Variants in ARHGAP29 observed in about 807,000 individuals in gnomAD.
ARHGAP29 encodes rho GTPase-activating protein 29.
A neutral mutation model predicts 122.6 loss-of-function variants in ARHGAP29; 43 were observed. The observed-to-expected ratio is 0.35, with a 90% CI of 0.27 to 0.45. The LOEUF is 0.45. ARHGAP29 is among the 20% of genes least tolerant of loss of function. ARHGAP29 has a pLI of 1.00. For missense variants in ARHGAP29, 1,303 were observed against 1,477.2 expected, an observed-to-expected ratio of 0.88 and a Z score of 1.93; for synonymous variants, 506 against 497.1, an observed-to-expected ratio of 1.02 and a Z score of -0.24.
At chr1:94,210,825 G>A (rs1382152278) in intron 3 of ARHGAP29, among the ~76,000 whole-genome samples, 1 of 151,048 alleles carries the variant, frequency 6.6e-6, no homozygotes, top group East Asian at 1.9e-4. Context: ...ATCACTTGTG[G>A]CCAAGAGTTC....
chr1:94,289,855 G>A, the ARHGAP29 span, among the ~76,000 whole-genome samples: 3 of 152,170 alleles, frequency 2.0e-5, no homozygotes, highest in East Asian at 1.9e-4. Context: ...CTTGATTGTG[G>A]TGGATAAGCT....
At chr1:94,183,345 CT>C (rs925346118) in intron 19 of ARHGAP29, among the ~76,000 whole-genome samples, 18 of 152,192 alleles carry the variant, frequency 1.2e-4, no homozygotes, top group Non-Finnish European at 1.2e-4. Flanking sequence ...TGGCTCAGGT[CT>C]TTTTTTGTAC....
chr1:94,241,732 A>G (rs1453503263), upstream of ARHGAP29, among the ~76,000 whole-genome samples: 1 of 130,338 alleles, frequency 7.7e-6, no homozygotes, highest in Non-Finnish European at 1.6e-5. Flanking sequence ...TATAATATAT[A>G]TTTATATATA....
intron 16 of ARHGAP29, 58 bp downstream of exon 16, chr1:94,186,438 TATC>T: frequency 8.7e-7 from 1 of 1,155,392 alleles, no homozygotes; most frequent in South Asian, 1.4e-5. Flanking sequence ...ATTTATCTAA[TATC>T]ATGCAGTGCT....
intron 3 of ARHGAP29, among the ~76,000 whole-genome samples, chr1:94,210,996 A>G (rs943458095): frequency 4.6e-5 from 7 of 151,872 alleles, no homozygotes; most frequent in African/African-American, 1.7e-4. Flanking sequence ...CATCAAAAGG[A>G]CATAACAGCC....
chr1:94,205,764 T>TA, intron 5 of ARHGAP29, 81 bp from the exon 6 acceptor site: 1 of 1,190,958 alleles, frequency 8.4e-7, no homozygotes. Context: ...CCCAATTTGT[T>TA]ACTCTGACAT....
intron 12 of ARHGAP29, chr1:94,194,503 T>C (rs1360265512): frequency 2.0e-5 from 3 of 152,234 alleles, no homozygotes; most frequent in Non-Finnish European, 2.9e-5. Flanking sequence ...GTTGTAGAGA[T>C]TGAGAGATCA....
intron 1 of ARHGAP29, among the ~76,000 whole-genome samples, chr1:94,233,349 C>A (rs976187187): frequency 2.6e-5 from 4 of 152,052 alleles, no homozygotes; most frequent in Non-Finnish European, 5.9e-5. Context: ...CTCCATAGTT[C>A]ATTTTTCTTT....
intron 1 of ARHGAP29, among the ~76,000 whole-genome samples, chr1:94,267,612 T>TATA (rs1654821839): frequency 6.6e-6 from 1 of 151,886 alleles, no homozygotes; most frequent in African/African-American, 2.4e-5. Context: ...TATACACGAA[T>TATA]ATAATAAAAC....
intron 1 of ARHGAP29, among the ~76,000 whole-genome samples, chr1:94,232,919 A>G (rs900419224): frequency 4.6e-5 from 7 of 151,558 alleles, no homozygotes; most frequent in African/African-American, 1.7e-4. Context: ...AATTTACAGT[A>G]GAAAGTTTTT....
chr1:94,310,964 T>C, the ARHGAP29 span, among the ~76,000 whole-genome samples: 3 of 152,166 alleles, frequency 2.0e-5, no homozygotes, highest in African/African-American at 7.2e-5. Flanking sequence ...CACTTGCCCT[T>C]CTCTACTGCA....
At chr1:94,225,712 T>C (rs976448862) in intron 2 of ARHGAP29, among the ~76,000 whole-genome samples, 6 of 152,102 alleles carry the variant, frequency 3.9e-5, no homozygotes, top group Non-Finnish European at 8.8e-5. Context: ...TATAACTAAA[T>C]ACAAGATAAT....
intron 1 of ARHGAP29, among the ~76,000 whole-genome samples, chr1:94,267,742 C>A (rs75266253): frequency 6.6e-6 from 1 of 151,630 alleles, no homozygotes; most frequent in Non-Finnish European, 1.5e-5. Context: ...AATTACATAA[C>A]TTTTCCAAGA....
chr1:94,197,283 G>A (rs1442879900), intron 12 of ARHGAP29, among the ~76,000 whole-genome samples: 1 of 151,856 alleles, frequency 6.6e-6, no homozygotes, highest in Non-Finnish European at 1.5e-5. Context: ...CCAATTCCAT[G>A]AAAGCCACAA....
At chr1:94,253,301 C>G (rs1654178187) in intron 1 of ARHGAP29, among the ~76,000 whole-genome samples, 1 of 152,038 alleles carries the variant, frequency 6.6e-6, no homozygotes, top group Admixed American at 6.6e-5. Context: ...AAATCCCAGC[C>G]CAGCTTTCCC....
chr1:94,264,925 G>A (rs1654703624), intron 1 of ARHGAP29, among the ~76,000 whole-genome samples: 1 of 152,158 alleles, frequency 6.6e-6, no homozygotes, highest in Non-Finnish European at 1.5e-5. Context: ...CTTTGCCCCT[G>A]ACTCTGGTGA....
Position 94,220,271 on chromosome 1 carries a change from A to G in ARHGAP29, c.327T>C (p.Thr109=), listed in dbSNP as rs2101581575. Residue 109 remains threonine (T), a synonymous_variant, in exon 3 of 23, where the codon ACT becomes ACC. Transcript: ENST00000260526. ...VDLQNAAEML[T]AKVKAVNFTE... is the part of the protein sequence containing the mutation. The stretch of plus-strand genomic sequence containing the variant: ...TATCTTCCTTACCTTTCACTTTTGC[A>G]GTGAGCATTTCTGCAGCATTTTGAA... 6.2e-7 allele frequency: 1 copy of G among 1,613,286 alleles called. No homozygotes were observed. Among genetic ancestry groups the G allele is most frequent in the Non-Finnish European group, 8.5e-7 (1 of 1,179,672 alleles).
upstream of ARHGAP29, among the ~76,000 whole-genome samples, chr1:94,277,647 G>A (rs1283313814): frequency 6.6e-6 from 1 of 152,120 alleles, no homozygotes; most frequent in East Asian, 1.9e-4. Flanking sequence ...GGAAGGAGGA[G>A]GACCATTCTA....
intron 3 of ARHGAP29, 94 bp from the exon 4 acceptor site, chr1:94,209,444 A>T: frequency 1.5e-6 from 1 of 685,314 alleles, no homozygotes; most frequent in Non-Finnish European, 2.3e-6. Context: ...TCATTAGTTC[A>T]AGAAGCATTA....
Sources: gnomAD v4.1 joint callset for allele counts (sites outside exome capture counted in the v4.1 genomes callset) on GRCh38, gnomAD v4.1.1 for gene constraint, MANE v1.5 for transcripts, NCBI Gene and HGNC (gene_info 2026-07-23, HGNC 2026-07-21) for gene names.